The following LPP variants were observed in gnomAD, a reference collection of about 807,000 sequenced individuals.
The protein encoded by LPP is LIM domain containing preferred translocation partner in lipoma.
LPP carries 38 observed loss-of-function variants against 60.4 expected under a neutral mutation model. That is an observed-to-expected ratio of 0.63 (90% CI 0.49 to 0.83). The LOEUF is 0.83. LPP is among the 40% of genes least tolerant of loss of function. The probability of loss-of-function intolerance (pLI) is 0.00; values close to 1 mark genes in which losing one functional copy is unlikely to be tolerated. For synonymous variants in LPP, 328 were observed against 290.8 expected (o/e 1.13, Z -1.30); for missense variants, 902 against 783.6 (o/e 1.15, Z -1.80).
chr3:188,373,476 C>G (rs1438038187), intron 3 of LPP, among the ~76,000 whole-genome samples: 1 of 152,168 alleles, frequency 6.6e-6, no homozygotes, highest in Non-Finnish European at 1.5e-5. Flanking sequence ...AGCCTTTTTT[C>G]ATGTGTTTTT....
At chr3:188,532,169 G>A (rs1317860064) in intron 6 of LPP, among the ~76,000 whole-genome samples, 1 of 152,140 alleles carries the variant, frequency 6.6e-6, no homozygotes, top group African/African-American at 2.4e-5. Context: ...CACTTTGGGA[G>A]GCTGAGGCAG....
intron 9 of LPP, among the ~76,000 whole-genome samples, chr3:188,865,672 G>T (rs777979322): frequency 4.5e-5 from 6 of 132,326 alleles, no homozygotes; most frequent in Non-Finnish European, 9.5e-5. Flanking sequence ...GTCAAATCCA[G>T]CCCATTGTCT....
chr3:188,267,475 A>G (rs1397167572), intron 2 of LPP, among the ~76,000 whole-genome samples: 1 of 152,244 alleles, frequency 6.6e-6, no homozygotes, highest in African/African-American at 2.4e-5. Context: ...CTCAATATGT[A>G]AAATAATCAA....
At chr3:188,586,568 G>T (rs1580186761) in intron 6 of LPP, among the ~76,000 whole-genome samples, 1 of 152,278 alleles carries the variant, frequency 6.6e-6, no homozygotes, top group African/African-American at 2.4e-5. Flanking sequence ...TTAATTGTGT[G>T]TGAGGGTCCT....
At chr3:188,704,675 T>A (rs769738533) in intron 7 of LPP, among the ~76,000 whole-genome samples, 6 of 152,182 alleles carry the variant, frequency 3.9e-5, no homozygotes, top group Non-Finnish European at 8.8e-5. Context: ...TGTTCCTAAT[T>A]GAGAACATGC....
intron 4 of LPP, among the ~76,000 whole-genome samples, chr3:188,441,081 C>A (rs1793705691): frequency 6.6e-6 from 1 of 150,670 alleles, no homozygotes; most frequent in African/African-American, 2.4e-5. Flanking sequence ...GGATTGATTT[C>A]TTTTTGTTTA....
chr3:188,524,671 C>G lies in LPP; in HGVS notation c.313C>G (p.Pro105Ala). Residue 105 changes from proline (P) to alanine (A), a missense_variant, in exon 6 of 12, where the codon CCC becomes GCC. By Grantham distance (27) the Pro-to-Ala change is conservative. Coordinates refer to ENST00000617246, the MANE Select transcript of LPP (RefSeq NM_001375462.1). ...DEEAFKVQGN[P>A]GGKTLEERRS... ...TCTGTGTTGCTTCCAACAGGGGAAT[C>G]CCGGAGGCAAGACACTTGAGGAGAG... 2 of 1,613,350 alleles carry G rather than the reference C, an allele frequency of 1.2e-6. No homozygotes were observed. Among genetic ancestry groups the G allele is most frequent in the Non-Finnish European group, 1.7e-6 (2 of 1,179,618 alleles).
rs763272449 is a variant in LPP at position 188,577,615 on chromosome 3, T to C, written c.430-31546T>C. Among the ~76,000 whole-genome samples the C allele has an allele frequency of 2.6e-5, 4 of 151,740 alleles. No individual in the cohort carries two copies. The East Asian group carries it at 7.7e-4, about 29-fold the overall frequency. The stretch of plus-strand genomic sequence containing the variant: ...ATAAGTATATGTATGTATATACATA[T>C]GTTTTGCAAGTAAAAAAACTTTAGT... On this transcript the variant is annotated intron_variant, in intron 6 of 11. Transcript: ENST00000617246.
At chr3:188,768,948 A>T (rs1734992531) in intron 9 of LPP, among the ~76,000 whole-genome samples, 1 of 152,232 alleles carries the variant, frequency 6.6e-6, no homozygotes, top group Non-Finnish European at 1.5e-5. Context: ...CTGTATGTAC[A>T]TATAGTCATT....
chr3:188,315,573 T>A (rs973486202), intron 2 of LPP, among the ~76,000 whole-genome samples: 26 of 152,324 alleles, frequency 1.7e-4, no homozygotes, highest in African/African-American at 5.8e-4. Flanking sequence ...AATAGTGTTT[T>A]TAATCTTATT....
intron 4 of LPP, among the ~76,000 whole-genome samples, chr3:188,461,129 G>A (rs951707331): frequency 2.0e-5 from 3 of 152,152 alleles, no homozygotes; most frequent in African/African-American, 7.2e-5. Context: ...TTCTGACAAA[G>A]TGATCTGAAG....
At chr3:188,509,807 T>C (rs1040280784) in intron 5 of LPP, among the ~76,000 whole-genome samples, 3 of 151,274 alleles carry the variant, frequency 2.0e-5, no homozygotes, top group Non-Finnish European at 2.9e-5. Context: ...ATTCTCCTGT[T>C]TCAGCTTCCC....
chr3:188,387,030 G>A (rs1481846530), intron 3 of LPP, among the ~76,000 whole-genome samples: 1 of 151,930 alleles, frequency 6.6e-6, no homozygotes, highest in East Asian at 1.9e-4. Flanking sequence ...CTTAGTCTGT[G>A]GCCTTAGGAA....
intron 7 of LPP, among the ~76,000 whole-genome samples, chr3:188,613,193 G>A (rs1447885388): frequency 4.0e-5 from 6 of 150,116 alleles, no homozygotes; most frequent in Admixed American, 4.0e-4. Flanking sequence ...AAAAGCTAAT[G>A]TCAGCTACAT....
chr3:188,252,859 C>T (rs1393477064), intron 2 of LPP, among the ~76,000 whole-genome samples: 2 of 152,184 alleles, frequency 1.3e-5, no homozygotes, highest in Non-Finnish European at 2.9e-5. Flanking sequence ...GCGATCTCCG[C>T]CTCCCAGGTT....
Position 188,732,716 on chromosome 3 carries a change from C to CAAAAAA in LPP, c.1240+24338_1240+24343dup, listed in dbSNP as rs1167795146. ...CCTAGCGACAGAGTGAGACTCTTATCAAAAAAAAAAAAAAAAAAAAGAATA... is the reference window on the plus strand; with the variant it reads ...CCTAGCGACAGAGTGAGACTCTTATCAAAAAAAAAAAAAAAAAAAAAAAAAAGAATA... On this transcript the variant is annotated intron_variant, in intron 8 of 11. Coordinates refer to ENST00000617246, the MANE Select transcript of LPP (RefSeq NM_001375462.1). Among the ~76,000 whole-genome samples the CAAAAAA allele has an allele frequency of 1.9e-3, 140 of 74,318 alleles. 3 individuals carry two copies. The highest frequency in any genetic ancestry group is 2.8e-3 in the Non-Finnish European group (118 of 41,662). The allele number at this position is 74,318 out of a possible 152,430, so 48.8% of individuals were successfully genotyped here.
Position 188,572,685 on chromosome 3 carries a change from G to A in LPP, c.430-36476G>A, listed in dbSNP as rs894377179. 6.6e-6 allele frequency among the ~76,000 whole-genome samples: 1 copy of A among 152,024 alleles called. No homozygotes were observed. The highest frequency in any genetic ancestry group is 1.5e-5 in the Non-Finnish European group (1 of 67,996). On this transcript the variant is annotated intron_variant, in intron 6 of 11. Coordinates refer to ENST00000617246, the MANE Select transcript of LPP (RefSeq NM_001375462.1). This position sits in a 1 kb window ranked among gnomAD's most constrained non-coding sequence, Gnocchi z 4.1. ...ATGAGGATTAAATTGAATGATAGGG[G>A]TGTAAGCACTTTGTAAATCCAAGTA... is the stretch of plus-strand genomic sequence containing the variant.
intron 6 of LPP, among the ~76,000 whole-genome samples, chr3:188,544,188 A>G (rs1409458142): frequency 6.6e-6 from 1 of 152,178 alleles, no homozygotes; most frequent in African/African-American, 2.4e-5. Context: ...GAGTTGGAAC[A>G]AAGTCCACAA....
chr3:188,426,308 A>G (rs190887261), intron 4 of LPP, among the ~76,000 whole-genome samples: 1 of 152,228 alleles, frequency 6.6e-6, no homozygotes, highest in Admixed American at 6.5e-5. Flanking sequence ...TGCACTGTAG[A>G]CTGAGAAACT....
Sources: gnomAD v4.1 joint callset for allele counts (sites outside exome capture counted in the v4.1 genomes callset) on GRCh38, gnomAD v4.1.1 for gene constraint, Gnocchi (gnomAD v3.1) non-coding constraint, MANE v1.5 for transcripts, NCBI Gene and HGNC (gene_info 2026-07-23, HGNC 2026-07-21) for gene names.